MIOS: variants seen among roughly 807,000 people sequenced by gnomAD.
MIOS encodes the protein GATOR2 complex protein MIOS.
A neutral mutation model predicts 96.9 loss-of-function variants in MIOS; 52 were observed. That is an observed-to-expected ratio of 0.54 (90% CI 0.43 to 0.68). MIOS has a LOEUF of 0.68. Ranked by LOEUF, MIOS falls within the 30% of genes least tolerant of loss-of-function variation. The pLI, the probability that MIOS is intolerant of heterozygous loss-of-function variation, is 0.00. For synonymous variants in MIOS, 397 were observed against 359.5 expected (o/e 1.10, Z -1.18); for missense variants, 1,005 against 1,052.8 (o/e 0.95, Z 0.63).
At chr7:7,575,172 A>G (rs767406911) in intron 5 of MIOS, among the ~76,000 whole-genome samples, 1 of 152,144 alleles carries the variant, frequency 6.6e-6, no homozygotes, top group Non-Finnish European at 1.5e-5. Flanking sequence ...AGTTAACATT[A>G]TTTAGTCAAA....
chr7:7,572,656 C>A lies in MIOS; in HGVS notation c.181C>A (p.Pro61Thr). 1 of 1,614,100 alleles carries A rather than the reference C, an allele frequency of 6.2e-7. No individual in the cohort carries two copies. Among genetic ancestry groups the A allele is most frequent in the Non-Finnish European group, 8.5e-7 (1 of 1,179,992 alleles). The change falls in exon 4 of 13, where the codon CCC (proline) becomes ACC (threonine). Residue 61 changes from proline to threonine, a missense_variant. Coordinates refer to ENST00000340080, the MANE Select transcript of MIOS (RefSeq NM_019005.4). This position sits in a 1 kb window ranked among gnomAD's most constrained non-coding sequence, Gnocchi z 4.8. ...ATLLSINSDT[P>T]YMKCVAWYLN... ...ATTACTGTCAATAAATTCAGATACA[C>A]CCTATATGAAATGTGTTGCCTGGTA... is the stretch of plus-strand genomic sequence containing the variant.
intron 7 of MIOS, among the ~76,000 whole-genome samples, chr7:7,587,443 A>G (rs1195785477): frequency 6.6e-6 from 1 of 152,220 alleles, no homozygotes; most frequent in East Asian, 1.9e-4. Flanking sequence ...ATAAATAATT[A>G]TAATTAATGT....
At chr7:7,598,731 G>A (rs1000000245) in intron 11 of MIOS, among the ~76,000 whole-genome samples, 1 of 152,086 alleles carries the variant, frequency 6.6e-6, no homozygotes, top group East Asian at 1.9e-4. Flanking sequence ...CTTCCTTTTT[G>A]CTGAATACCA....
chr7:7,601,368 A>G (rs1353665902), intron 11 of MIOS, among the ~76,000 whole-genome samples: 1 of 152,182 alleles, frequency 6.6e-6, no homozygotes, highest in Non-Finnish European at 1.5e-5. Flanking sequence ...AAATAGACGC[A>G]ATAAAAAATG....
chr7:7,568,631 G>A (rs898600013), intron 3 of MIOS, among the ~76,000 whole-genome samples: 3 of 152,190 alleles, frequency 2.0e-5, no homozygotes, highest in African/African-American at 4.8e-5. Context: ...GTCACTGTCT[G>A]GACATTGTAA....
At chr7:7,605,594 C>G (rs1178429676) in intron 11 of MIOS, 1 of 185,758 alleles carries the variant, frequency 5.4e-6, no homozygotes, top group African/African-American at 2.4e-5. Context: ...CACACCCAGC[C>G]CTACCTGTTC....
In MIOS at chr7:7,588,561, C is replaced by G; in HGVS notation, c.1882C>G (p.Gln628Glu). The G allele has an allele frequency of 1.3e-6, 2 of 1,572,608 alleles. No homozygotes were observed. Among genetic ancestry groups the G allele is most frequent in the Non-Finnish European group, 1.7e-6 (2 of 1,155,038 alleles). ...AFACKFLSDTQLNRYIEKLTN... is the reference protein window; with the variant it reads ...AFACKFLSDTELNRYIEKLTN... ...TGCTTGTAAATTCCTTAGTGATACTCAGGTGAAAACTGATTTAATTCCACA... is the reference window on the plus strand; with the variant it reads ...TGCTTGTAAATTCCTTAGTGATACTGAGGTGAAAACTGATTTAATTCCACA... Residue 628 changes from glutamine to glutamate, a missense_variant and splice_region_variant, in exon 8 of 13, where the codon CAG (glutamine) becomes GAG (glutamate). By Grantham distance (29) the Gln-to-Glu change is conservative. Coordinates refer to ENST00000340080, the MANE Select transcript of MIOS (RefSeq NM_019005.4).
rs760338027 is a variant in MIOS at position 7,596,398 on chromosome 7, A to C, written c.2338A>C (p.Lys780Gln). The C allele has an allele frequency of 6.2e-7, 1 of 1,614,064 alleles. No individual in the cohort carries two copies. Among genetic ancestry groups the C allele is most frequent in the East Asian group, 2.2e-5 (1 of 44,896 alleles). Residue 780 changes from lysine to glutamine, a missense_variant, in exon 11 of 13, where the codon AAA (lysine) becomes CAA (glutamine). Around this residue, in one of 3 missense-constraint regions of MIOS, gnomAD observed 865 missense variants for 887.9 expected, o/e 0.97. Transcript: ENST00000340080. ...AGTCACAAGTTGTCCTGGCTGTCGA[A>C]AACCACTTCCTCGATGTGCGCTTTG... Reference protein sequence around the residue: ...SKVTSCPGCRKPLPRCALCLI... With the variant: ...SKVTSCPGCRQPLPRCALCLI...
chr7:7,594,612 T>C (rs1784150576), intron 9 of MIOS, among the ~76,000 whole-genome samples: 1 of 152,154 alleles, frequency 6.6e-6, no homozygotes, highest in African/African-American at 2.4e-5. Context: ...CATTTGGATT[T>C]GATAGTAAAC....
At chr7:7,606,207 A>G (rs957487605) in intron 12 of MIOS, 136 bp downstream of exon 12, 3 of 1,161,814 alleles carry the variant, frequency 2.6e-6, no homozygotes, top group East Asian at 2.4e-5. Context: ...CATGTTAACA[A>G]AGGTGGTGTG....
At chr7:7,604,920 C>G (rs1563049433) in intron 11 of MIOS, among the ~76,000 whole-genome samples, 1 of 152,152 alleles carries the variant, frequency 6.6e-6, no homozygotes, top group Non-Finnish European at 1.5e-5. Context: ...TTCCCCCTTT[C>G]CTTTTTGCCC....
Position 7,573,675 on chromosome 7 carries a change from A to C in MIOS, c.1200A>C (p.Ser400=). Reference sequence around the variant, plus strand: ...CGAAGATGCGTCTTCGGGCTTTATCAAGGTATGGACTTGATACAGAGCAGG... The same window carrying C: ...CGAAGATGCGTCTTCGGGCTTTATCCAGGTATGGACTTGATACAGAGCAGG... The part of the protein sequence containing the change: ...IATKMRLRAL[S]RYGLDTEQVW... The change falls in exon 4 of 13, where the codon TCA becomes TCC. Residue 400 remains serine, a synonymous_variant. Transcript: ENST00000340080. The surrounding 1 kb of genome is among the most constrained non-coding windows in gnomAD (Gnocchi z 5.0). 1 of 1,613,984 alleles carries C rather than the reference A, an allele frequency of 6.2e-7. No homozygotes were observed. The highest frequency in any genetic ancestry group is 1.1e-5 in the South Asian group (1 of 91,074).
At position 7,572,498 on chromosome 7, in the gene MIOS, T is replaced by G; in HGVS notation, c.23T>G (p.Ile8Ser). The G allele has an allele frequency of 6.2e-7, 1 of 1,613,380 alleles. No individual in the cohort carries two copies. Among genetic ancestry groups the G allele is most frequent in the Non-Finnish European group, 8.5e-7 (1 of 1,179,414 alleles). The stretch of plus-strand genomic sequence containing the variant: ...AACATGAGCGGTACCAAACCTGATA[T>G]TTTATGGGCACCACACCATGTTGAT... Reference protein sequence around the residue: MSGTKPDILWAPHHVDRF... With the variant: MSGTKPDSLWAPHHVDRF... Residue 8 changes from isoleucine (I) to serine (S), a missense_variant, in exon 4 of 13, where the codon ATT (isoleucine) becomes AGT (serine). Ile to Ser is a moderately radical substitution (Grantham distance 142, BLOSUM62 -2). Around this residue, in one of 3 missense-constraint regions of MIOS, gnomAD observed 137 missense variants for 148.6 expected, o/e 0.92. Transcript: ENST00000340080. The surrounding 1 kb of genome is among the most constrained non-coding windows in gnomAD (Gnocchi z 4.8).
rs144143840 is a variant in MIOS at position 7,577,054 on chromosome 7, CA to C, written c.1393+2859del. Among the ~76,000 whole-genome samples, 687 of 152,058 alleles carry C rather than the reference CA, an allele frequency of 4.5e-3. 2 individuals are homozygous for C. The highest frequency in any genetic ancestry group is 6.3e-3 in the Non-Finnish European group (426 of 67,990). ...GGCAATAGGATATCAGTTCAAAGCC[CA>C]GGGGAGGAATATAATGTATGTCAGA... On this transcript the variant is annotated intron_variant, in intron 5 of 12. Transcript: ENST00000340080.
At position 7,606,054 on chromosome 7, in the gene MIOS, T is replaced by C. The variant is rs367596155; in HGVS notation, c.2514T>C (p.His838=). Residue 838 remains histidine (H), a synonymous_variant, in exon 12 of 13, where the codon CAT becomes CAC. Transcript: ENST00000340080. ...GCAGGCACGGTGGACATGCTGGACA[T>C]ATGCTTAGTTGGTTCAGGTAATCAG... is the stretch of plus-strand genomic sequence containing the variant. ...HNCRHGGHAG[H]MLSWFRDHAE... 6 of 1,613,834 alleles carry C rather than the reference T, an allele frequency of 3.7e-6. No individual in the cohort carries two copies. In the South Asian group the frequency reaches 6.6e-5, roughly 18 times the overall value.
Position 7,568,139 on chromosome 7 carries a change from C to T in MIOS, c.-41+16C>T, listed in dbSNP as rs1654281470. 5 of 152,180 alleles carry T rather than the reference C, an allele frequency of 3.3e-5. No homozygotes were observed. The highest frequency in any genetic ancestry group is 3.3e-4 in the Admixed American group (5 of 15,276). 9.4% of individuals were successfully genotyped at this position (152,180 alleles called of 1,614,324 possible). On this transcript the variant is annotated intron_variant, in intron 3 of 12. Transcript: ENST00000340080. ...AACTTGAAAGGTGAGGATATAAATA[C>T]AAGCTGTAATTATTGCAGACCGCAC... is the stretch of plus-strand genomic sequence containing the variant.
chr7:7,581,216 G>T (rs901179896), intron 5 of MIOS, among the ~76,000 whole-genome samples: 2 of 146,398 alleles, frequency 1.4e-5, no homozygotes, highest in African/African-American at 4.9e-5. Flanking sequence ...CAGGAGAATC[G>T]CTTGAACCTG....
In MIOS at chr7:7,608,876, CA is replaced by C. The variant is rs1284237255; in HGVS notation, c.*1785del. On this transcript the variant is annotated 3_prime_UTR_variant, in exon 13 of 13. Transcript: ENST00000340080. ...TTGTAATCCTAATATATGAGGGTGACATTTTTAAGATTGTATGTATGTGTCA... is the reference window on the plus strand; with the variant it reads ...TTGTAATCCTAATATATGAGGGTGACTTTTTAAGATTGTATGTATGTGTCA... 6.6e-6 allele frequency: 1 copy of C among 151,960 alleles called. No individual in the cohort carries two copies. The highest frequency in any genetic ancestry group is 2.4e-5 in the African/African-American group (1 of 41,430). The allele number at this position is 151,960 out of a possible 1,614,324, so 9.4% of individuals were successfully genotyped here.
chr7:7,578,932 A>G (rs2115383142), intron 5 of MIOS, among the ~76,000 whole-genome samples: 1 of 152,272 alleles, frequency 6.6e-6, no homozygotes, highest in South Asian at 2.1e-4. Flanking sequence ...GCTGGTCTCA[A>G]ACTCCTAACC....
Sources: gnomAD v4.1 joint callset for allele counts (sites outside exome capture counted in the v4.1 genomes callset) on GRCh38, gnomAD v4.1.1 for gene constraint, gnomAD v4.1.1 regional missense constraint, Gnocchi (gnomAD v3.1) non-coding constraint, MANE v1.5 for transcripts, NCBI Gene and HGNC (gene_info 2026-07-23, HGNC 2026-07-21) for gene names.